The following DNAAF6 variants were observed in gnomAD, a reference collection of about 807,000 sequenced individuals.
DNAAF6 encodes PIH1 domain containing 3.
Under a neutral mutation model 13.7 loss-of-function variants are expected in DNAAF6, and 3 were observed. The observed-to-expected ratio is 0.22, with a 90% CI of 0.10 to 0.56. The LOEUF (loss-of-function observed/expected upper bound fraction) is 0.56, where lower values mean the gene tolerates loss of function less well. Among genes scored for constraint, DNAAF6 ranks in the 20% least tolerant of loss-of-function variants. DNAAF6 has a pLI of 0.92. For synonymous variants in DNAAF6, 54 were observed against 49.2 expected, an observed-to-expected ratio of 1.10 and a Z score of -0.41; for missense variants, 130 against 151.0, an observed-to-expected ratio of 0.86 and a Z score of 0.73.
At position 107,238,972 on chromosome X, in the gene DNAAF6, C is replaced by G; in HGVS notation, c.480C>G (p.Ile160Met). ...ACCCTTCTGATATTCAAATTGATAT[C>G]CAGGAAACAATCCTTGACCTTCGTA... ...NTNPSDIQID[I>M]QETILDLRTP... Residue 160 changes from isoleucine (I) to methionine (M), a missense_variant, in exon 6 of 7, where the codon ATC (isoleucine) becomes ATG (methionine). Transcript: ENST00000372453. The G allele has an allele frequency of 8.3e-7, 1 of 1,210,067 alleles. No individual in the cohort carries two copies. Among genetic ancestry groups the G allele is most frequent in the Non-Finnish European group, 1.1e-6 (1 of 894,832 alleles).
chrX:107,238,784 A>C, intron 5 of DNAAF6, 138 bp from the exon 6 acceptor site: 4 of 1,010,842 alleles, frequency 4.0e-6, no homozygotes, highest in Non-Finnish European at 5.2e-6. Flanking sequence ...CTGCTGCTCA[A>C]GATTGACATA....
At chrX:107,207,724 G>C (rs1285240279) in intron 1 of DNAAF6, among the ~76,000 whole-genome samples, 1 of 111,906 alleles carries the variant, frequency 8.9e-6, no homozygotes, top group African/African-American at 3.2e-5. Context: ...TTGAGGTCAG[G>C]AGTTCGAGAC....
chrX:107,222,768 A>C lies in DNAAF6; in HGVS notation c.356A>C (p.Gln119Pro). Residue 119 changes from glutamine to proline, a missense_variant, in exon 5 of 7, where the codon CAG becomes CCG. Coordinates refer to ENST00000372453, the MANE Select transcript of DNAAF6 (RefSeq NM_173494.2). ...AGGTATGAGATTATATTCAGACAGC[A>C]GGTGGGAACTGAAGATATATTTTTA... is the stretch of plus-strand genomic sequence containing the variant. ...IPEYEIIFRQ[Q>P]VGTEDIFLGL... 8.3e-7 allele frequency: 1 copy of C among 1,206,000 alleles called. No individual in the cohort carries two copies. Among genetic ancestry groups the C allele is most frequent in the Non-Finnish European group, 1.1e-6 (1 of 892,929 alleles).
chrX:107,238,531 C>A (rs962454092), intron 5 of DNAAF6, among the ~76,000 whole-genome samples: 1 of 111,813 alleles, frequency 8.9e-6, no homozygotes, highest in Non-Finnish European at 1.9e-5. Context: ...TCATACCCAA[C>A]ATGAGAACTA....
chrX:107,210,540 C>T (rs1422444887), intron 1 of DNAAF6, among the ~76,000 whole-genome samples: 2 of 110,394 alleles, frequency 1.8e-5, no homozygotes, highest in African/African-American at 3.3e-5. Context: ...TGCCTCGGGC[C>T]CCTGAGTAGA....
At chrX:107,235,998 G>C (rs182766519) in intron 5 of DNAAF6, among the ~76,000 whole-genome samples, 1 of 110,613 alleles carries the variant, frequency 9.0e-6, no homozygotes, top group Admixed American at 9.7e-5. Context: ...GCCAGGTGTG[G>C]TGGTGCACAC....
chrX:107,208,718 A>G (rs1244245465), intron 1 of DNAAF6, among the ~76,000 whole-genome samples: 1 of 109,615 alleles, frequency 9.1e-6, no homozygotes, highest in Non-Finnish European at 1.9e-5. Flanking sequence ...TTGTATTTGT[A>G]GTAGAGACGG....
intron 4 of DNAAF6, among the ~76,000 whole-genome samples, chrX:107,219,490 C>G (rs1928072402): frequency 9.0e-6 from 1 of 111,222 alleles, no homozygotes; most frequent in African/African-American, 3.3e-5. Context: ...TGCTTTGTAG[C>G]CTTTTCAATA....
rs983421756 is a variant in DNAAF6, at chrX:107,236,807, G to A, written c.430-2115G>A. ...TTTCAGACTAAAGAAACAAATATTT[G>A]TATCTCTTCTTTGAGGTGACATGAG... On this transcript the variant is annotated intron_variant, in intron 5 of 6. Transcript: ENST00000372453. Among the ~76,000 whole-genome samples, 23 of 111,883 alleles carry A rather than the reference G, an allele frequency of 2.1e-4. No homozygotes were observed. The Admixed American group carries it at 2.1e-3, about 10-fold the overall frequency.
chrX:107,209,177 T>C (rs1427177746), intron 1 of DNAAF6, among the ~76,000 whole-genome samples: 2 of 111,656 alleles, frequency 1.8e-5, no homozygotes, highest in Non-Finnish European at 3.8e-5. Flanking sequence ...TAGGCAGAGA[T>C]GATATCACTG....
intron 1 of DNAAF6, chrX:107,207,242 A>G: frequency 9.0e-6 from 1 of 111,448 alleles, no homozygotes. Flanking sequence ...AGTACTTACT[A>G]CGTGAATAAT....
At position 107,238,965 on chromosome X, in the gene DNAAF6, T is replaced by C; in HGVS notation, c.473T>C (p.Ile158Thr). ...AATACAAACCCTTCTGATATTCAAATTGATATCCAGGAAACAATCCTTGAC... is the reference window on the plus strand; with the variant it reads ...AATACAAACCCTTCTGATATTCAAACTGATATCCAGGAAACAATCCTTGAC... ...LPNTNPSDIQ[I>T]DIQETILDLR... is the part of the protein sequence containing the mutation. The change falls in exon 6 of 7, where the codon ATT (isoleucine) becomes ACT (threonine). Residue 158 changes from isoleucine (I) to threonine (T), a missense_variant. Ile to Thr is a moderately conservative substitution (Grantham distance 89). Transcript: ENST00000372453. 2 of 1,210,651 alleles carry C rather than the reference T, an allele frequency of 1.7e-6. No homozygotes were observed. Among genetic ancestry groups the C allele is most frequent in the South Asian group, 1.8e-5 (1 of 56,767 alleles).
intron 5 of DNAAF6, among the ~76,000 whole-genome samples, chrX:107,229,127 CTTTTTTTTTTTTTT>C (rs768372176): frequency 9.7e-5 from 5 of 51,586 alleles, no homozygotes; most frequent in African/African-American, 4.4e-4. Context: ...GTTGACTACT[CTTTTTTTTTTTTTT>C]TTTTTTTTTT....
At chrX:107,234,656 G>T (rs949247039) in intron 5 of DNAAF6, among the ~76,000 whole-genome samples, 1 of 111,702 alleles carries the variant, frequency 9.0e-6, no homozygotes, top group African/African-American at 3.3e-5. Context: ...AATTAATTTA[G>T]AATATCTTCC....
chrX:107,243,347 A>T lies in DNAAF6; in HGVS notation c.*49A>T, dbSNP rs755643426. On this transcript the variant is annotated 3_prime_UTR_variant, in exon 7 of 7. Transcript: ENST00000372453. ...TAGTAAAATGGCATTGGTAACAATT[A>T]AAAAACTTTGAAAAAAATGATTGTT... The T allele has an allele frequency of 2.2e-5, 25 of 1,159,749 alleles. No individual in the cohort carries two copies. Among genetic ancestry groups the T allele is most frequent in the South Asian group, 3.9e-5 (2 of 50,823 alleles).
Position 107,237,156 on chromosome X carries a change from A to G in DNAAF6, c.430-1766A>G, listed in dbSNP as rs144949971. 8.8e-3 allele frequency among the ~76,000 whole-genome samples: 990 copies of G among 112,453 alleles called. 19 individuals carry two copies. Among genetic ancestry groups the G allele is most frequent in the African/African-American group, 0.03 (929 of 31,016 alleles). On this transcript the variant is annotated intron_variant, in intron 5 of 6. Coordinates refer to ENST00000372453, the MANE Select transcript of DNAAF6 (RefSeq NM_173494.2). The stretch of plus-strand genomic sequence containing the variant: ...AGTAAAATATAACTCACAAGCATGT[A>G]TTGCTCCAAACACATTATATTGCAA...
chrX:107,221,291 T>C (rs968910531), intron 4 of DNAAF6, among the ~76,000 whole-genome samples: 1 of 109,833 alleles, frequency 9.1e-6, no homozygotes, highest in African/African-American at 3.3e-5. Flanking sequence ...GTTTTTTTTC[T>C]TCGCCAACCA....
intron 5 of DNAAF6, among the ~76,000 whole-genome samples, chrX:107,238,046 A>G (rs1243173067): frequency 8.9e-6 from 1 of 112,417 alleles, no homozygotes; most frequent in Non-Finnish European, 1.9e-5. Context: ...ATAGAATCCT[A>G]TAATATGTGA....
chrX:107,212,088 TC>T (rs1230067342), intron 1 of DNAAF6, among the ~76,000 whole-genome samples: 2 of 111,673 alleles, frequency 1.8e-5, no homozygotes, highest in Non-Finnish European at 3.8e-5. Flanking sequence ...AGGTATAGCT[TC>T]CCACTGCTCA....
Sources: gnomAD v4.1 joint callset for allele counts (sites outside exome capture counted in the v4.1 genomes callset) on GRCh38, gnomAD v4.1.1 for gene constraint, MANE v1.5 for transcripts, NCBI Gene and HGNC (gene_info 2026-07-23, HGNC 2026-07-21) for gene names.